The following SUN2 variants were observed in gnomAD, a reference collection of about 807,000 sequenced individuals.
SUN2 encodes the protein SUN domain-containing protein 2.
A neutral mutation model predicts 100.0 loss-of-function variants in SUN2; 60 were observed. The ratio of observed to expected loss-of-function variants is 0.60; its 90% confidence interval spans 0.49 to 0.74. The LOEUF (loss-of-function observed/expected upper bound fraction) is 0.74. SUN2 is among the 30% of genes least tolerant of loss of function. The pLI is 0.00. For missense variants in SUN2, 834 were observed against 954.6 expected, an observed-to-expected ratio of 0.87 and a Z score of 1.66; for synonymous variants, 367 against 403.3, an observed-to-expected ratio of 0.91 and a Z score of 1.08.
Position 38,750,212 on chromosome 22 carries a change from G to A in SUN2, c.520+13C>T. The stretch of plus-strand genomic sequence containing the variant: ...CCAAGAATGGAAGTAACTGGGCACG[G>A]GTTGCAGCCCACCTGGCGAAGTGGC... On this transcript the variant is annotated intron_variant, in intron 5 of 17. Transcript: ENST00000689035. 6.2e-7 allele frequency: 1 copy of A among 1,608,280 alleles called. No homozygotes were observed. Among genetic ancestry groups the A allele is most frequent in the Non-Finnish European group, 8.5e-7 (1 of 1,175,470 alleles).
chr22:38,748,968 C>T (rs1341065067), intron 6 of SUN2, 185 bp from the exon 7 acceptor site: 5 of 609,176 alleles, frequency 8.2e-6, no homozygotes, highest in Middle Eastern at 4.5e-4. Flanking sequence ...TCCTGCTGGG[C>T]AGGTCTTAGA....
At position 38,739,281 on chromosome 22, in the gene SUN2, C is replaced by G. The variant is rs2092833825; in HGVS notation, c.1663+61G>C. ...TGCCCCACCACCAACCTGGTAGATG[C>G]CAGGGGACCGGCCATTGCGGGGTCC... On this transcript the variant is annotated intron_variant, in intron 14 of 17. Coordinates refer to ENST00000689035, the MANE Select transcript of SUN2 (RefSeq NM_015374.3). This position sits in a 1 kb window ranked among gnomAD's most constrained non-coding sequence, Gnocchi z 6.7. The G allele has an allele frequency of 5.1e-6, 8 of 1,565,708 alleles. No individual in the cohort carries two copies. The highest frequency in any genetic ancestry group is 7.0e-6 in the Non-Finnish European group (8 of 1,137,284).
chr22:38,755,445 A>T lies in SUN2; in HGVS notation c.-38+318T>A. ...TGTCCCTGGAAACGGCCTGTCTGGC[A>T]CAAAACCCGTAGGCGCTGCCCGGGG... is the stretch of plus-strand genomic sequence containing the variant. On this transcript the variant is annotated intron_variant, in intron 1 of 17. Coordinates refer to ENST00000689035, the MANE Select transcript of SUN2 (RefSeq NM_015374.3). This position sits in a 1 kb window ranked among gnomAD's most constrained non-coding sequence, Gnocchi z 5.7. 2 of 993,234 alleles carry T rather than the reference A, an allele frequency of 2.0e-6. No individual in the cohort carries two copies. The highest frequency in any genetic ancestry group is 2.4e-6 in the Non-Finnish European group (2 of 833,722). The allele number at this position is 993,234 out of a possible 1,614,324, so 61.5% of individuals were successfully genotyped here.
intron 7 of SUN2, among the ~76,000 whole-genome samples, chr22:38,746,798 G>A (rs1234690616): frequency 1.3e-5 from 2 of 152,330 alleles, no homozygotes; most frequent in South Asian, 2.1e-4. Context: ...TTGGGAGGCC[G>A]AGGCGGGTGG....
chr22:38,748,593 G>T, intron 7 of SUN2, 120 bp downstream of exon 7: 2 of 1,140,802 alleles, frequency 1.8e-6, no homozygotes, highest in African/African-American at 1.5e-5. Flanking sequence ...CCAGGGCTCA[G>T]GCCCTGCCCA....
chr22:38,742,518 T>A lies in SUN2; in HGVS notation c.851A>T (p.Glu284Val), dbSNP rs754013682. The change falls in exon 9 of 18, where the codon GAG becomes GTG. Residue 284 changes from glutamate (E) to valine (V), a missense_variant. Around this residue, in one of 3 missense-constraint regions of SUN2, gnomAD observed 559 missense variants for 597.7 expected, o/e 0.94. Transcript: ENST00000689035. ...AGCAGCAAGAGCTTCCAGACGCCGC[T>A]CCAGAGAGTGTACCCGGGACATAAC... Reference protein sequence around the residue: ...QRVMSRVHSLERRLEALAAEF... With the variant: ...QRVMSRVHSLVRRLEALAAEF... The A allele has an allele frequency of 1.9e-6, 3 of 1,613,018 alleles. No homozygotes were observed. In the East Asian group the frequency reaches 6.7e-5, roughly 36 times the overall value.
At position 38,740,430 on chromosome 22, in the gene SUN2, A is replaced by C; in HGVS notation, c.1193T>G (p.Met398Arg). The change falls in exon 12 of 18, where the codon ATG becomes AGG. Residue 398 changes from methionine to arginine, a missense_variant and splice_region_variant. Physicochemically the swap from Met to Arg is moderately conservative, Grantham distance 91. Around this residue, in one of 3 missense-constraint regions of SUN2, gnomAD observed 559 missense variants for 597.7 expected, o/e 0.94. Coordinates refer to ENST00000689035, the MANE Select transcript of SUN2 (RefSeq NM_015374.3). The surrounding 1 kb of genome is among the most constrained non-coding windows in gnomAD (Gnocchi z 4.8). The part of the protein sequence containing the change: ...IQQLKSEWQS[M>R]TQESFQESSV... ...GCTCTCCTGGAAGGACTCCTGGGTCATGCTGGTCCCAGAGAGAGAAGAGTA... is the reference window on the plus strand; with the variant it reads ...GCTCTCCTGGAAGGACTCCTGGGTCCTGCTGGTCCCAGAGAGAGAAGAGTA... 4.6e-6 allele frequency: 7 copies of C among 1,509,064 alleles called. No homozygotes were observed. Among genetic ancestry groups the C allele is most frequent in the Non-Finnish European group, 6.2e-6 (7 of 1,121,926 alleles). 93.5% of individuals were successfully genotyped at this position (1,509,064 alleles called of 1,614,324 possible).
chr22:38,751,403 G>A (rs778337434), intron 2 of SUN2, 30 bp from the exon 3 acceptor site: 38 of 1,609,588 alleles, frequency 2.4e-5, no homozygotes, highest in Non-Finnish European at 3.2e-5. Flanking sequence ...GCAGAGGTAG[G>A]GAGCAGGGAG....
chr22:38,754,618 C>T (rs1362552211), intron 1 of SUN2: 24 of 1,030,132 alleles, frequency 2.3e-5, no homozygotes, highest in Non-Finnish European at 3.2e-5. Flanking sequence ...TCCCCCCTCC[C>T]TGCCCCGCCC....
Position 38,738,163 on chromosome 22 carries a change from C to T in SUN2, c.2040+10G>A. The T allele has an allele frequency of 1.2e-6, 2 of 1,613,454 alleles. No individual in the cohort carries two copies. The highest frequency in any genetic ancestry group is 1.7e-6 in the Non-Finnish European group (2 of 1,179,560). Reference sequence around the variant, plus strand: ...TGCGCCACTTCTGCTAGCACAGCAGCATCCCGTACCTGAAAGTGAAACGTC... The same window carrying T: ...TGCGCCACTTCTGCTAGCACAGCAGTATCCCGTACCTGAAAGTGAAACGTC... On this transcript the variant is annotated intron_variant, in intron 17 of 17. Coordinates refer to ENST00000689035, the MANE Select transcript of SUN2 (RefSeq NM_015374.3). The surrounding 1 kb of genome is among the most constrained non-coding windows in gnomAD (Gnocchi z 6.6).
Position 38,738,220 on chromosome 22 carries a change from AC to A in SUN2, c.1992del (p.Lys664AsnfsTer32). On this transcript the variant is annotated frameshift_variant, in exon 17 of 18. Coordinates refer to ENST00000689035, the MANE Select transcript of SUN2 (RefSeq NM_015374.3). LOFTEE classifies it high-confidence loss of function. The surrounding 1 kb of genome is among the most constrained non-coding windows in gnomAD (Gnocchi z 6.6). ...DLQQEGTLLG[K>X]FTYDQDGEPI... ...GGCTCGCCGTCCTGATCGTAAGTGAACTTGCCAAGGAGTGTCCCCTCCTGCT... is the reference window on the plus strand; with the variant it reads ...GGCTCGCCGTCCTGATCGTAAGTGAATTGCCAAGGAGTGTCCCCTCCTGCT... The A allele has an allele frequency of 1.9e-6, 3 of 1,613,812 alleles. No individual in the cohort carries two copies. The highest frequency in any genetic ancestry group is 2.5e-6 in the Non-Finnish European group (3 of 1,179,968).
chr22:38,749,497 G>A (rs763927573), intron 6 of SUN2, among the ~76,000 whole-genome samples: 6 of 152,196 alleles, frequency 3.9e-5, no homozygotes, highest in Non-Finnish European at 7.3e-5. Flanking sequence ...CTAGTGTGGC[G>A]TTTAGTAGAA....
At chr22:38,752,957 C>T (rs1221827253) in intron 1 of SUN2, among the ~76,000 whole-genome samples, 2 of 152,210 alleles carry the variant, frequency 1.3e-5, no homozygotes, top group Non-Finnish European at 2.9e-5. Flanking sequence ...GTTTCCTTGT[C>T]TTTATCCTTC....
intron 7 of SUN2, 108 bp from the exon 8 acceptor site, chr22:38,745,919 G>A (rs1484894602): frequency 1.7e-5 from 25 of 1,477,366 alleles, no homozygotes; most frequent in Non-Finnish European, 2.2e-5. Context: ...TGTCCCACTC[G>A]TGGAGCTGTG....
chr22:38,739,761 C>T lies in SUN2; in HGVS notation c.1539G>A (p.Leu513=), dbSNP rs758713146. 2.5e-6 allele frequency: 4 copies of T among 1,613,698 alleles called. No homozygotes were observed. Among genetic ancestry groups the T allele is most frequent in the Non-Finnish European group, 3.4e-6 (4 of 1,180,012 alleles). The part of the protein sequence containing the change: ...SAREAAASLS[L]TLQKEGVIGV... ...CAATCACACCTTCTTTCTGCAGCGT[C>T]AGGCTCAGGGAGGCCGCGGCTTCCC... Residue 513 remains leucine, a synonymous_variant, in exon 13 of 18, where the codon CTG becomes CTA. Coordinates refer to ENST00000689035, the MANE Select transcript of SUN2 (RefSeq NM_015374.3). This position sits in a 1 kb window ranked among gnomAD's most constrained non-coding sequence, Gnocchi z 6.7.
intron 17 of SUN2, chr22:38,736,584 G>A (rs2092807338): frequency 2.3e-6 from 1 of 439,082 alleles, no homozygotes; most frequent in Non-Finnish European, 4.1e-6. Context: ...GGGGCCACCT[G>A]TAGCACACTT....
Position 38,739,081 on chromosome 22 carries a change from G to C in SUN2, c.1664-93C>G. 1 of 1,268,884 alleles carries C rather than the reference G, an allele frequency of 7.9e-7. No individual in the cohort carries two copies. Among genetic ancestry groups the C allele is most frequent in the Non-Finnish European group, 1.1e-6 (1 of 892,966 alleles). The allele number at this position is 1,268,884 out of a possible 1,614,324, so 78.6% of individuals were successfully genotyped here. A position where few individuals can be genotyped will look rare whatever the true frequency, so the allele number is the denominator to read the frequency against. On this transcript the variant is annotated intron_variant, in intron 14 of 17. Coordinates refer to ENST00000689035, the MANE Select transcript of SUN2 (RefSeq NM_015374.3). This position sits in a 1 kb window ranked among gnomAD's most constrained non-coding sequence, Gnocchi z 6.7. ...GTCTCCTCGCTGAAGGTGGACGGCA[G>C]ATGCCCCAGGCCTAGCCTTTAACCC...
At chr22:38,754,211 C>T in intron 1 of SUN2, among the ~76,000 whole-genome samples, 1 of 152,198 alleles carries the variant, frequency 6.6e-6, no homozygotes. Flanking sequence ...TCCCCGACTG[C>T]CAACATGGGG....
chr22:38,749,653 C>T (rs1184431932), intron 6 of SUN2, 113 bp downstream of exon 6: 9 of 1,005,910 alleles, frequency 8.9e-6, no homozygotes, highest in Non-Finnish European at 1.3e-5. Flanking sequence ...ATAAAGGCTC[C>T]AGGGAAACTG....
Sources: gnomAD v4.1 joint callset for allele counts (sites outside exome capture counted in the v4.1 genomes callset) on GRCh38, gnomAD v4.1.1 for gene constraint, gnomAD v4.1.1 regional missense constraint, Gnocchi (gnomAD v3.1) non-coding constraint, MANE v1.5 for transcripts, NCBI Gene and HGNC (gene_info 2026-07-23, HGNC 2026-07-21) for gene names.